COG4: variants seen among roughly 807,000 people sequenced by gnomAD.
COG4 encodes component of oligomeric golgi complex 4.
In COG4, 65 loss-of-function variants were observed where a neutral mutation model predicts 95.1. That is an observed-to-expected ratio of 0.68 (90% CI 0.56 to 0.84). COG4 has a LOEUF of 0.84. Ranked by LOEUF, COG4 falls within the 40% of genes least tolerant of loss-of-function variation. The pLI is 0.00. For missense variants in COG4, 1,045 were observed against 989.1 expected (o/e 1.06, Z -0.76); for synonymous variants, 421 against 374.8 (o/e 1.12, Z -1.42).
chr16:70,503,740 G>A (rs1212823205), intron 8 of COG4, among the ~76,000 whole-genome samples: 3 of 138,420 alleles, frequency 2.2e-5, no homozygotes, highest in Non-Finnish European at 4.4e-5. Flanking sequence ...GACTACAGGC[G>A]CCCACCACCA....
intron 9 of COG4, among the ~76,000 whole-genome samples, chr16:70,498,323 A>C (rs2049381980): frequency 1.3e-5 from 2 of 151,562 alleles, no homozygotes; most frequent in Admixed American, 1.3e-4. Flanking sequence ...TACTTTTTTT[A>C]TTTTTAACTA....
At chr16:70,520,863 A>G (rs1452821017) in intron 1 of COG4, among the ~76,000 whole-genome samples, 2 of 152,174 alleles carry the variant, frequency 1.3e-5, no homozygotes, top group Non-Finnish European at 2.9e-5. Context: ...AGCAATACCA[A>G]TCTCACTGGG....
At chr16:70,494,232 C>T (rs538211378) in intron 12 of COG4, among the ~76,000 whole-genome samples, 51 of 152,294 alleles carry the variant, frequency 3.3e-4, no homozygotes, top group South Asian at 6.2e-4. Context: ...CATTTAAGAG[C>T]ACCAAGAATA....
At chr16:70,519,536 C>G in intron 2 of COG4, 113 bp downstream of exon 2, 1 of 756,896 alleles carries the variant, frequency 1.3e-6, no homozygotes, top group South Asian at 1.5e-5. Flanking sequence ...AGATAATACC[C>G]TTTACATTTC....
At position 70,481,084 on chromosome 16, in the gene COG4, G is replaced by A. The variant is rs144846241; in HGVS notation, c.2296C>T (p.Pro766Ser). 6.2e-7 allele frequency: 1 copy of A among 1,613,462 alleles called. No individual in the cohort carries two copies. The highest frequency in any genetic ancestry group is 2.2e-5 in the East Asian group (1 of 44,870). ...GCCAGCACCTGGCGCACTTCAGCAGGGGTGAGGCGCCACGTCAATGGGCCG... is the reference window on the plus strand; with the variant it reads ...GCCAGCACCTGGCGCACTTCAGCAGAGGTGAGGCGCCACGTCAATGGGCCG... Reference protein sequence around the residue: ...NSGPLTWRLTPAEVRQVLALR... With the variant: ...NSGPLTWRLTSAEVRQVLALR... The change falls in exon 19 of 19, where the codon CCT (proline) becomes TCT (serine). Residue 766 changes from proline (P) to serine (S), a missense_variant. Coordinates refer to ENST00000323786, the MANE Select transcript of COG4 (RefSeq NM_015386.3).
At chr16:70,492,405 T>A (rs562344487) in intron 12 of COG4, among the ~76,000 whole-genome samples, 3 of 152,272 alleles carry the variant, frequency 2.0e-5, no homozygotes, top group Admixed American at 2.0e-4. Flanking sequence ...ATGCCTGTAA[T>A]CACAGCAGTT....
Position 70,514,513 on chromosome 16 carries a change from C to CAA in COG4, c.370-6_370-5dup. 6.2e-7 allele frequency: 1 copy of CAA among 1,613,622 alleles called. No homozygotes were observed. The highest frequency in any genetic ancestry group is 8.5e-7 in the Non-Finnish European group (1 of 1,179,848). On this transcript the variant is annotated splice_region_variant and splice_polypyrimidine_tract_variant and intron_variant, in intron 3 of 18. Coordinates refer to ENST00000323786, the MANE Select transcript of COG4 (RefSeq NM_015386.3). ...GAATGGCCTGATAGAGGCGGTTCTG[C>CAA]AAAAAGATTTGGTACTTACAAACAA...
intron 8 of COG4, among the ~76,000 whole-genome samples, chr16:70,506,085 A>G (rs1408193540): frequency 1.3e-5 from 2 of 151,512 alleles, no homozygotes; most frequent in Non-Finnish European, 2.9e-5. Flanking sequence ...GTTTGAGACC[A>G]GCCTGGCCAA....
At chr16:70,495,421 A>C (rs550007149) in intron 12 of COG4, among the ~76,000 whole-genome samples, 14 of 150,372 alleles carry the variant, frequency 9.3e-5, no homozygotes, top group African/African-American at 3.2e-4. Context: ...AAAGAATCTG[A>C]TAAAAGCTAA....
chr16:70,516,179 T>A, intron 3 of COG4: 1 of 380,546 alleles, frequency 2.6e-6, no homozygotes, highest in East Asian at 7.4e-5. Context: ...TGGCCACTAC[T>A]TTTAATTGAT....
Position 70,509,324 on chromosome 16 carries a change from G to A in COG4, c.909C>T (p.Leu303=), listed in dbSNP as rs780402255. ...IVETYYGPGR[L]YTLIKYLQVE... is the part of the protein sequence containing the mutation. ...CCTGCAGATATTTGATCAGGGTATAGAGTCTCCCTGGCCCATAATAGGTCT... is the reference window on the plus strand; with the variant it reads ...CCTGCAGATATTTGATCAGGGTATAAAGTCTCCCTGGCCCATAATAGGTCT... Residue 303 remains leucine, a synonymous_variant, in exon 7 of 19, where the codon CTC becomes CTT. Coordinates refer to ENST00000323786, the MANE Select transcript of COG4 (RefSeq NM_015386.3). 1 of 1,614,178 alleles carries A rather than the reference G, an allele frequency of 6.2e-7. No individual in the cohort carries two copies. Among genetic ancestry groups the A allele is most frequent in the Admixed American group, 1.7e-5 (1 of 60,008 alleles).
rs376885733 is a variant in COG4, at chr16:70,512,419, A to G, written c.558T>C (p.Asp186=). 1.7e-4 allele frequency: 272 copies of G among 1,614,002 alleles called. 5 individuals are homozygous for G. In the Middle Eastern group the frequency reaches 8.3e-3, roughly 49 times the overall value. ...SRQGKEGSMI[D]ANLKLLQEAE... is the part of the protein sequence containing the mutation. Reference sequence around the variant, plus strand: ...CTTCCTGCAGCAATTTCAGGTTGGCATCAATCATGCTCCCTGCTCAACAGG... The same window carrying G: ...CTTCCTGCAGCAATTTCAGGTTGGCGTCAATCATGCTCCCTGCTCAACAGG... The change falls in exon 5 of 19, where the codon GAT becomes GAC. Residue 186 remains aspartate, a synonymous_variant. Transcript: ENST00000323786.
At chr16:70,518,106 T>C (rs889732246) in intron 2 of COG4, among the ~76,000 whole-genome samples, 1 of 151,868 alleles carries the variant, frequency 6.6e-6, no homozygotes, top group African/African-American at 2.4e-5. Context: ...AATTTTTGTA[T>C]TTGTAGTAGA....
At position 70,483,955 on chromosome 16, in the gene COG4, C is replaced by G. The variant is rs1489818514; in HGVS notation, c.1725G>C (p.Lys575Asn). Residue 575 changes from lysine to asparagine, a missense_variant, in exon 14 of 19, where the codon AAG becomes AAC. By Grantham distance (94) the Lys-to-Asn change is moderately conservative. Transcript: ENST00000323786. ...LKKTLESDCTKLFSQGIGGEQ... is the reference protein window; with the variant it reads ...LKKTLESDCTNLFSQGIGGEQ... The stretch of plus-strand genomic sequence containing the variant: ...CCCCTCCAATGCCCTGGCTGAAGAG[C>G]TTGGTGCAGTCACTCTAGGGGAGAA... 1 of 1,612,424 alleles carries G rather than the reference C, an allele frequency of 6.2e-7. No homozygotes were observed. The highest frequency in any genetic ancestry group is 8.5e-7 in the Non-Finnish European group (1 of 1,179,774).
At chr16:70,502,516 G>A (rs528085569) in intron 8 of COG4, among the ~76,000 whole-genome samples, 1,634 of 130,058 alleles carry the variant, frequency 0.013, 16 homozygotes, top group Non-Finnish European at 0.018. Context: ...CGGGAGAGTC[G>A]CTTGAACCCG....
rs574878982 is a variant in COG4 at position 70,517,838 on chromosome 16, T to C, written c.255-98A>G. On this transcript the variant is annotated intron_variant, in intron 2 of 18. Transcript: ENST00000323786. ...GACACTATGTCTTCTACTTCTTTCATACCTACCTGTAACTCTTAGCTCAGT... is the reference window on the plus strand; with the variant it reads ...GACACTATGTCTTCTACTTCTTTCACACCTACCTGTAACTCTTAGCTCAGT... 139 of 764,376 alleles carry C rather than the reference T, an allele frequency of 1.8e-4. 1 individual carries two copies. The African/African-American group carries it at 2.1e-3, about 11-fold the overall frequency. The allele number at this position is 764,376 out of a possible 1,614,324, so 47.3% of individuals were successfully genotyped here.
intron 15 of COG4, 103 bp downstream of exon 15, chr16:70,482,626 G>T: frequency 1.1e-6 from 1 of 920,746 alleles, no homozygotes; most frequent in Non-Finnish European, 1.8e-6. Flanking sequence ...GTGGGCCTGG[G>T]AAGCATGGAA....
intron 13 of COG4, among the ~76,000 whole-genome samples, chr16:70,490,107 C>T (rs1054303569): frequency 2.0e-5 from 3 of 152,190 alleles, no homozygotes; most frequent in Non-Finnish European, 4.4e-5. Context: ...AATGTGCCAC[C>T]GTGCCTTGCC....
At chr16:70,484,070 C>CT (rs1473831265) in intron 13 of COG4, 101 bp from the exon 14 acceptor site, 24 of 889,022 alleles carry the variant, frequency 2.7e-5, no homozygotes, top group Middle Eastern at 6.1e-4. Context: ...TATGGCCTGT[C>CT]AAGAGCCCGG....
Sources: allele counts gnomAD v4.1 joint callset (sites outside exome capture counted in the v4.1 genomes callset), GRCh38; gene constraint gnomAD v4.1.1; transcripts MANE v1.5; gene names NCBI Gene and HGNC (gene_info 2026-07-23, HGNC 2026-07-21).